NUP153: variants seen among roughly 807,000 people sequenced by gnomAD.
The protein encoded by NUP153 is nuclear pore complex protein Nup153.
Under a neutral mutation model 134.6 loss-of-function variants are expected in NUP153, and 27 were observed. That is an observed-to-expected ratio of 0.20 (90% CI 0.15 to 0.28). The LOEUF is 0.28. Among genes scored for constraint, NUP153 ranks in the 10% least tolerant of loss-of-function variants. NUP153 has a pLI of 1.00. For synonymous variants in NUP153, 640 were observed against 623.5 expected, an observed-to-expected ratio of 1.03 and a Z score of -0.40; for missense variants, 1,821 against 1,731.3, an observed-to-expected ratio of 1.05 and a Z score of -0.92.
At chr6:17,653,783 T>C (rs1490401695) in intron 11 of NUP153, among the ~76,000 whole-genome samples, 3 of 152,204 alleles carry the variant, frequency 2.0e-5, no homozygotes, top group African/African-American at 2.4e-5. Context: ...TCTAGGATGA[T>C]AGAAATATTC....
chr6:17,639,439 A>C (rs1253974304), intron 15 of NUP153, among the ~76,000 whole-genome samples: 1 of 152,204 alleles, frequency 6.6e-6, no homozygotes, highest in African/African-American at 2.4e-5. Flanking sequence ...TTTTCAAACA[A>C]AAAATTATTC....
In NUP153 at chr6:17,622,673, A is replaced by C. The variant is rs1208825605; in HGVS notation, c.4174+1888T>G. ...ACTTTTTCTTTGTATTTAGTTTATA[A>C]AATTGATTGCTCTTTACATAAAAAA... On this transcript the variant is annotated intron_variant, in intron 20 of 21. Transcript: ENST00000262077. Among the ~76,000 whole-genome samples, 3 of 151,904 alleles carry C rather than the reference A, an allele frequency of 2.0e-5. No individual in the cohort carries two copies. The East Asian group carries it at 5.8e-4, about 29-fold the overall frequency.
At position 17,637,394 on chromosome 6, in the gene NUP153, T is replaced by C; in HGVS notation, c.2223A>G (p.Lys741=). The change falls in exon 16 of 22, where the codon AAA becomes AAG. Residue 741 remains lysine, a synonymous_variant. Transcript: ENST00000262077. ...GTTTCGGTGTTTCACAGGCTACACA[T>C]TTTATTGCTTCAGGTTTATTTTGCA... ...CLVQNKPEAI[K]CVACETPKPG... is the part of the protein sequence containing the mutation. The C allele has an allele frequency of 1.2e-6, 2 of 1,614,240 alleles. No individual in the cohort carries two copies. Among genetic ancestry groups the C allele is most frequent in the East Asian group, 2.2e-5 (1 of 44,888 alleles).
At chr6:17,686,422 G>T (rs1768930948) in intron 2 of NUP153, among the ~76,000 whole-genome samples, 1 of 151,280 alleles carries the variant, frequency 6.6e-6, no homozygotes, top group Non-Finnish European at 1.5e-5. Context: ...TTTTGAGACG[G>T]AGTCTCGCTG....
intron 13 of NUP153, 109 bp from the exon 14 acceptor site, chr6:17,646,263 A>T (rs745704690): frequency 5.7e-6 from 3 of 522,592 alleles, no homozygotes; most frequent in Non-Finnish European, 1.0e-5. Flanking sequence ...GCTGGAGTGC[A>T]GTGGCGCAAT....
At chr6:17,674,581 C>T (rs372112061) in intron 5 of NUP153, among the ~76,000 whole-genome samples, 32 of 152,030 alleles carry the variant, frequency 2.1e-4, no homozygotes, top group Admixed American at 7.2e-4. Context: ...ACCATCCTGG[C>T]CAACACAGTG....
intron 1 of NUP153, among the ~76,000 whole-genome samples, chr6:17,701,936 T>C (rs1428016303): frequency 6.7e-6 from 1 of 148,600 alleles, no homozygotes. Flanking sequence ...AGAAGATAAA[T>C]GTCTGAAGCA....
At chr6:17,666,867 T>C (rs1001412039) in intron 8 of NUP153, among the ~76,000 whole-genome samples, 8 of 152,196 alleles carry the variant, frequency 5.3e-5, no homozygotes, top group African/African-American at 1.9e-4. Context: ...CAACATTGGT[T>C]TCCAGGGCAA....
At chr6:17,697,098 T>C (rs1374644255) in intron 1 of NUP153, among the ~76,000 whole-genome samples, 2 of 151,830 alleles carry the variant, frequency 1.3e-5, no homozygotes, top group Non-Finnish European at 2.9e-5. Context: ...TCTTAAAAAA[T>C]ACTCTGTGGC....
rs59386738 is a variant in NUP153, at chr6:17,626,105, T to C, written c.3604A>G (p.Thr1202Ala). The change falls in exon 19 of 22, where the codon ACA becomes GCA. Residue 1202 changes from threonine to alanine, a missense_variant. Physicochemically the swap from Thr to Ala is moderately conservative, Grantham distance 58. Coordinates refer to ENST00000262077, the MANE Select transcript of NUP153 (RefSeq NM_005124.4). The stretch of plus-strand genomic sequence containing the variant: ...CCACCACCAGCAGAAGTGGCTGGTG[T>C]ACTTGAACTAGAGGAACTGTTGTTC... The part of the protein sequence containing the change: ...FLNNSSSSSS[T>A]PATSAGGGIF... 2.0e-3 allele frequency: 3,160 copies of C among 1,613,454 alleles called. 59 individuals are homozygous for C. The African/African-American group carries it at 0.035, about 18-fold the overall frequency.
chr6:17,706,262 G>T lies in NUP153; in HGVS notation c.111+15C>A. On this transcript the variant is annotated intron_variant, in intron 1 of 21. Coordinates refer to ENST00000262077, the MANE Select transcript of NUP153 (RefSeq NM_005124.4). This position sits in a 1 kb window ranked among gnomAD's most constrained non-coding sequence, Gnocchi z 5.9. ...TCCCCACCCGCCAGGCCACCGCGGC[G>T]TCGGGGTCCCATACCTGATGCTGTT... The T allele has an allele frequency of 6.3e-7, 1 of 1,598,442 alleles. No homozygotes were observed. The highest frequency in any genetic ancestry group is 8.6e-7 in the Non-Finnish European group (1 of 1,166,560).
At chr6:17,648,208 AG>A (rs1766313504) in intron 12 of NUP153, among the ~76,000 whole-genome samples, 1 of 152,352 alleles carries the variant, frequency 6.6e-6, no homozygotes, top group South Asian at 2.1e-4. Context: ...GGAGCAGGCC[AG>A]GTACAGTGCC....
intron 1 of NUP153, among the ~76,000 whole-genome samples, chr6:17,694,628 G>C (rs1314249872): frequency 6.6e-6 from 1 of 152,040 alleles, no homozygotes; most frequent in Non-Finnish European, 1.5e-5. Flanking sequence ...TTGCACTCCA[G>C]CCTGGGTGAC....
intron 17 of NUP153, among the ~76,000 whole-genome samples, chr6:17,629,886 T>C (rs1393936481): frequency 1.3e-5 from 2 of 152,210 alleles, no homozygotes; most frequent in South Asian, 2.1e-4. Context: ...AATCTGTCAA[T>C]AGTTACCGAA....
rs1374657229 is a variant in NUP153, at chr6:17,655,926, T to C, written c.1395+5727A>G. Reference sequence around the variant, plus strand: ...ACAGATATAAAACACAAGGTAGGGCTGGGCGCAGTGGTTCAACCCTGCAAT... The same window carrying C: ...ACAGATATAAAACACAAGGTAGGGCCGGGCGCAGTGGTTCAACCCTGCAAT... On this transcript the variant is annotated intron_variant, in intron 11 of 21. Transcript: ENST00000262077. Among the ~76,000 whole-genome samples, 3 of 152,298 alleles carry C rather than the reference T, an allele frequency of 2.0e-5. No individual in the cohort carries two copies. In the East Asian group the frequency reaches 5.8e-4, roughly 29 times the overall value.
In NUP153 at chr6:17,688,507, C is replaced by G. The variant is rs202069811; in HGVS notation, c.223G>C (p.Val75Leu). 11 of 1,614,154 alleles carry G rather than the reference C, an allele frequency of 6.8e-6. No individual in the cohort carries two copies. Among genetic ancestry groups the G allele is most frequent in the Non-Finnish European group, 9.3e-6 (11 of 1,180,018 alleles). ...TCTTTATTTTCTGGCCAGCGTGGAACCTCGCTTGTGTCTGTTGAACAGCTG... is the reference window on the plus strand; with the variant it reads ...TCTTTATTTTCTGGCCAGCGTGGAAGCTCGCTTGTGTCTGTTGAACAGCTG... The part of the protein sequence containing the change: ...VCSCSTDTSE[V>L]PRWPENKEDH... Residue 75 changes from valine to leucine, a missense_variant, in exon 2 of 22, where the codon GTT becomes CTT. Transcript: ENST00000262077.
Position 17,632,843 on chromosome 6 carries a change from T to C in NUP153, c.2466A>G (p.Gly822=), listed in dbSNP as rs1561860606. ...KCVSCMSEKP[G]SSVPASSSST... ...TGCTACTTGAAGCAGGTACTGAACT[T>C]CCTAAAAAAAAAAAAAAAAACGGGG... Residue 822 remains glycine (G), a splice_region_variant and synonymous_variant, in exon 17 of 22, where the codon GGA becomes GGG. Transcript: ENST00000262077. 2.5e-6 allele frequency: 3 copies of C among 1,185,114 alleles called. No homozygotes were observed. Among genetic ancestry groups the C allele is most frequent in the African/African-American group, 1.8e-5 (1 of 56,912 alleles). 73.4% of individuals were successfully genotyped at this position (1,185,114 alleles called of 1,614,324 possible).
chr6:17,678,082 A>G (rs1768333124), intron 2 of NUP153, among the ~76,000 whole-genome samples: 1 of 152,054 alleles, frequency 6.6e-6, no homozygotes, highest in South Asian at 2.1e-4. Context: ...TGGGCTGGGC[A>G]CAGTGGTTCA....
chr6:17,619,256 C>T (rs1159467706), intron 20 of NUP153, among the ~76,000 whole-genome samples: 1 of 152,142 alleles, frequency 6.6e-6, no homozygotes, highest in Non-Finnish European at 1.5e-5. Context: ...CAAAATCTTA[C>T]CAAACATGGG....
Sources: gnomAD v4.1 joint callset for allele counts (sites outside exome capture counted in the v4.1 genomes callset) on GRCh38, gnomAD v4.1.1 for gene constraint, Gnocchi (gnomAD v3.1) non-coding constraint, MANE v1.5 for transcripts, NCBI Gene and HGNC (gene_info 2026-07-23, HGNC 2026-07-21) for gene names.